BRCA2: variants seen among roughly 807,000 people sequenced by gnomAD.
BRCA2 encodes the protein BRCA2 DNA repair associated, also known as breast cancer type 2 susceptibility protein.
A neutral mutation model predicts 276.7 loss-of-function variants in BRCA2; 203 were observed. The observed-to-expected ratio is 0.73, with a 90% confidence interval of 0.65 to 0.82. BRCA2 has a LOEUF of 0.82. Among genes scored for constraint, BRCA2 ranks in the 40% least tolerant of loss-of-function variants. The pLI is 0.00. For synonymous variants in BRCA2, 1,289 were observed against 1,338.4 expected, an observed-to-expected ratio of 0.96 and a Z score of 0.81; for missense variants, 3,920 against 3,915.0, an observed-to-expected ratio of 1.00 and a Z score of -0.03.
intron 22 of BRCA2, 114 bp downstream of exon 22, chr13:32,379,629 A>G: frequency 6.6e-7 from 1 of 1,507,706 alleles, no homozygotes; most frequent in East Asian, 2.3e-5. Flanking sequence ...TCAGAGAAGC[A>G]AAATCCACTA....
intron 24 of BRCA2, among the ~76,000 whole-genome samples, chr13:32,389,631 A>T (rs1449430498): frequency 2.0e-5 from 3 of 152,218 alleles, no homozygotes; most frequent in Non-Finnish European, 4.4e-5. Context: ...TTTAGATGAG[A>T]AATCTGTCAT....
At chr13:32,356,741 A>G in intron 15 of BRCA2, 132 bp downstream of exon 15, 8 of 1,163,522 alleles carry the variant, frequency 6.9e-6, no homozygotes, top group Non-Finnish European at 9.9e-6. Context: ...AAATCATCAT[A>G]TTTTCTAATT....
intron 16 of BRCA2, among the ~76,000 whole-genome samples, chr13:32,359,222 G>GAAAAAAAA (rs67041705): frequency 1.9e-5 from 2 of 107,430 alleles, no homozygotes; most frequent in South Asian, 3.1e-4. Flanking sequence ...TCCATCTCAA[G>GAAAAAAAA]AAAAAAAAAA....
intron 11 of BRCA2, among the ~76,000 whole-genome samples, chr13:32,344,102 C>CT (rs2137535625): frequency 6.6e-6 from 1 of 150,430 alleles, no homozygotes; most frequent in African/African-American, 2.4e-5. Flanking sequence ...TAAAAAGCCT[C>CT]TTAACTCTAA....
chr13:32,318,814 A>C (rs1037725365), intron 2 of BRCA2, among the ~76,000 whole-genome samples: 2 of 152,252 alleles, frequency 1.3e-5, no homozygotes, highest in African/African-American at 4.8e-5. Flanking sequence ...AATAAATAAA[A>C]TTTAAATGAA....
chr13:32,369,693 C>T (rs1157404267), intron 18 of BRCA2, among the ~76,000 whole-genome samples: 3 of 152,186 alleles, frequency 2.0e-5, no homozygotes, highest in East Asian at 1.9e-4. Flanking sequence ...CCTGCCTCAG[C>T]CTCCCGAGTA....
At chr13:32,379,661 TATAAA>T in intron 22 of BRCA2, 84 bp from the exon 23 acceptor site, 2 of 1,528,312 alleles carry the variant, frequency 1.3e-6, no homozygotes, top group South Asian at 2.3e-5. Flanking sequence ...AAAGAGATAA[TATAAA>T]AGAGGATCTG....
intron 24 of BRCA2, among the ~76,000 whole-genome samples, chr13:32,390,702 C>T (rs941824772): frequency 6.6e-6 from 1 of 152,182 alleles, no homozygotes; most frequent in Non-Finnish European, 1.5e-5. Flanking sequence ...TGTTTCAGCA[C>T]TTGTCACATG....
intron 13 of BRCA2, among the ~76,000 whole-genome samples, chr13:32,351,042 T>C (rs1010391289): frequency 2.0e-5 from 3 of 152,132 alleles, no homozygotes; most frequent in African/African-American, 7.2e-5. Context: ...CTCTGTAAAA[T>C]AGACCAATCA....
At position 32,350,951 on chromosome 13, in the gene BRCA2, T is replaced by G. The variant is rs371594011; in HGVS notation, c.7008-3910T>G. On this transcript the variant is annotated intron_variant, in intron 13 of 26. Transcript: ENST00000380152. ...GGATTGTAAACACACCAATCAGCGC[T>G]CTGTGTCTAGCTAAAGGTTTGTAAA... 1.4e-4 allele frequency among the ~76,000 whole-genome samples: 21 copies of G among 152,194 alleles called. 1 individual carries two copies. In the East Asian group the frequency reaches 3.1e-3, roughly 22 times the overall value.
chr13:32,389,595 T>A (rs1199647732), intron 24 of BRCA2, among the ~76,000 whole-genome samples: 1 of 152,236 alleles, frequency 6.6e-6, no homozygotes, highest in Non-Finnish European at 1.5e-5. Flanking sequence ...TGAAAAATAT[T>A]GTGCCACTTC....
Position 32,339,468 on chromosome 13 carries a change from A to G in BRCA2, c.5113A>G (p.Ile1705Val), listed in dbSNP as rs80358737. 1.8e-5 allele frequency: 28 copies of G among 1,587,670 alleles called. No individual in the cohort carries two copies. Among genetic ancestry groups the G allele is most frequent in the Non-Finnish European group, 1.7e-5 (20 of 1,168,656 alleles). ...AATATTTGATGGTCAACCAGAAAGA[A>G]TAAATACTGCAGATTATGTAGGAAA... ...EGIFDGQPER[I>V]NTADYVGNYL... Residue 1705 changes from isoleucine to valine, a missense_variant, in exon 11 of 27, where the codon ATA (isoleucine) becomes GTA (valine). By Grantham distance (29) the Ile-to-Val change is conservative. Coordinates refer to ENST00000380152, the MANE Select transcript of BRCA2 (RefSeq NM_000059.4).
intron 16 of BRCA2, among the ~76,000 whole-genome samples, chr13:32,360,223 C>T (rs1313675409): frequency 6.6e-6 from 1 of 152,146 alleles, no homozygotes; most frequent in Non-Finnish European, 1.5e-5. Context: ...GAAGTTAGTG[C>T]AACTGGAGTA....
intron 4 of BRCA2, 121 bp from the exon 5 acceptor site, chr13:32,325,980 A>T (rs963216259): frequency 1.2e-6 from 1 of 855,002 alleles, no homozygotes; most frequent in African/African-American, 1.7e-5. Flanking sequence ...TGTAATATAA[A>T]ATATCTAAAA....
Position 32,340,330 on chromosome 13 carries a change from C to T in BRCA2, c.5975C>T (p.Ser1992Leu), listed in dbSNP as rs80358830. ...SGKSVQVSDA[S>L]LQNARQVFSE... Reference sequence around the variant, plus strand: ...AAATCTGTCCAGGTATCAGATGCTTCATTACAAAACGCAAGACAAGTGTTT... The same window carrying T: ...AAATCTGTCCAGGTATCAGATGCTTTATTACAAAACGCAAGACAAGTGTTT... The change falls in exon 11 of 27, where the codon TCA becomes TTA. Residue 1992 changes from serine (S) to leucine (L), a missense_variant. Coordinates refer to ENST00000380152, the MANE Select transcript of BRCA2 (RefSeq NM_000059.4). The T allele has an allele frequency of 3.7e-6, 6 of 1,613,860 alleles. No individual in the cohort carries two copies. The highest frequency in any genetic ancestry group is 1.3e-5 in the African/African-American group (1 of 74,898).
chr13:32,395,908 C>T, intron 25 of BRCA2: 1 of 218,900 alleles, frequency 4.6e-6, no homozygotes, highest in Non-Finnish European at 9.2e-6. Context: ...TATTTAGTTC[C>T]CATACAGCAT....
At chr13:32,369,437 A>G (rs1256032769) in intron 18 of BRCA2, among the ~76,000 whole-genome samples, 2 of 152,026 alleles carry the variant, frequency 1.3e-5, no homozygotes, top group Non-Finnish European at 2.9e-5. Flanking sequence ...TCCTTTAATT[A>G]TTTTGTTTCA....
chr13:32,330,961 A>C lies in BRCA2; in HGVS notation c.724A>C (p.Lys242Gln). Reference sequence around the variant, plus strand: ...TTCCAATCATGATGAAAGTCTGAAGAAAAATGATAGATTTATCGCTTCTGT... The same window carrying C: ...TTCCAATCATGATGAAAGTCTGAAGCAAAATGATAGATTTATCGCTTCTGT... ...YFSNHDESLK[K>Q]NDRFIASVTD... Residue 242 changes from lysine to glutamine, a missense_variant, in exon 9 of 27, where the codon AAA (lysine) becomes CAA (glutamine). Physicochemically the swap from Lys to Gln is moderately conservative, Grantham distance 53 (BLOSUM62 1). Transcript: ENST00000380152. 6.2e-7 allele frequency: 1 copy of C among 1,613,588 alleles called. No homozygotes were observed. The highest frequency in any genetic ancestry group is 8.5e-7 in the Non-Finnish European group (1 of 1,179,670).
intron 13 of BRCA2, among the ~76,000 whole-genome samples, chr13:32,350,886 G>T (rs1161603146): frequency 1.3e-5 from 2 of 152,186 alleles, no homozygotes; most frequent in Non-Finnish European, 2.9e-5. Flanking sequence ...TGGGCTTCTG[G>T]GTCGTGTGGG....
Sources: gnomAD v4.1 joint callset for allele counts (sites outside exome capture counted in the v4.1 genomes callset) on GRCh38, gnomAD v4.1.1 for gene constraint, MANE v1.5 for transcripts, NCBI Gene and HGNC (gene_info 2026-07-23, HGNC 2026-07-21) for gene names.